Variants in UXS1 observed in about 807,000 individuals in gnomAD.
UXS1 encodes UDP-glucuronate decarboxylase 1, also known as UDP-glucuronic acid decarboxylase 1.
In UXS1, 33 loss-of-function variants were observed where a neutral mutation model predicts 62.6. That is an observed-to-expected ratio of 0.53 (90% CI 0.40 to 0.70). The LOEUF (loss-of-function observed/expected upper bound fraction) is 0.70. UXS1 is among the 30% of genes least tolerant of loss of function. The probability of loss-of-function intolerance (pLI) is 0.00; values close to 1 mark genes in which losing one functional copy is unlikely to be tolerated. For missense variants in UXS1, 434 were observed against 556.3 expected, an observed-to-expected ratio of 0.78 and a Z score of 2.21; for synonymous variants, 213 against 206.8, an observed-to-expected ratio of 1.03 and a Z score of -0.26.
chr2:106,170,073 T>A (rs1039176160), intron 1 of UXS1, among the ~76,000 whole-genome samples: 1 of 152,162 alleles, frequency 6.6e-6, no homozygotes, highest in Admixed American at 6.5e-5. Context: ...ACCTCCTGAT[T>A]CATGCTGCAA....
intron 5 of UXS1, among the ~76,000 whole-genome samples, chr2:106,149,315 T>C (rs1681828478): frequency 6.6e-6 from 1 of 152,228 alleles, no homozygotes. Context: ...TTTTGCAGCA[T>C]TCCTGTAACA....
At chr2:106,106,558 G>C (rs1256804168) in intron 10 of UXS1, among the ~76,000 whole-genome samples, 1 of 152,184 alleles carries the variant, frequency 6.6e-6, no homozygotes. Flanking sequence ...TGGGGATACT[G>C]AGGAATGGGG....
At position 106,125,642 on chromosome 2, in the gene UXS1, G is replaced by A. The variant is rs1191412617; in HGVS notation, c.615C>T (p.Ala205=). Residue 205 remains alanine, a synonymous_variant, in exon 8 of 15, where the codon GCC becomes GCT. Coordinates refer to ENST00000283148, the MANE Select transcript of UXS1 (RefSeq NM_001253875.2). Reference sequence around the variant, plus strand: ...CACCTCCATACACCTCCGATGTGGAGGCCAGGAGCAGACGGGCACCGACTC... The same window carrying A: ...CACCTCCATACACCTCCGATGTGGAAGCCAGGAGCAGACGGGCACCGACTC... The part of the protein sequence containing the change: ...AKRVGARLLL[A]STSEVYGDPE... 6.3e-7 allele frequency: 1 copy of A among 1,580,016 alleles called. No individual in the cohort carries two copies. Among genetic ancestry groups the A allele is most frequent in the Admixed American group, 1.8e-5 (1 of 55,326 alleles).
At chr2:106,144,549 A>G (rs1681399689) in intron 6 of UXS1, among the ~76,000 whole-genome samples, 1 of 152,238 alleles carries the variant, frequency 6.6e-6, no homozygotes, top group Admixed American at 6.5e-5. Flanking sequence ...TTTAAAATGG[A>G]CTAACAAAAC....
intron 6 of UXS1, among the ~76,000 whole-genome samples, chr2:106,140,525 C>T (rs558114592): frequency 4.6e-5 from 7 of 152,072 alleles, no homozygotes; most frequent in Non-Finnish European, 1.0e-4. Flanking sequence ...GGGTGGGTGC[C>T]CAGGGTTGAT....
At chr2:106,188,335 G>A (rs1684710776) in intron 1 of UXS1, among the ~76,000 whole-genome samples, 1 of 152,160 alleles carries the variant, frequency 6.6e-6, no homozygotes, top group Non-Finnish European at 1.5e-5. Flanking sequence ...CACGGACGTG[G>A]GCGGGCAGTG....
chr2:106,103,680 T>A (rs184428430), intron 11 of UXS1, among the ~76,000 whole-genome samples: 1 of 152,326 alleles, frequency 6.6e-6, no homozygotes, highest in African/African-American at 2.4e-5. Flanking sequence ...TTGGTTATAG[T>A]ACACTTCTGG....
chr2:106,114,117 G>A (rs757183550), intron 9 of UXS1, among the ~76,000 whole-genome samples: 14 of 152,210 alleles, frequency 9.2e-5, no homozygotes, highest in Non-Finnish European at 1.6e-4. Context: ...AGTGGCTGGA[G>A]TGACACGGCC....
At chr2:106,165,546 A>G (rs1683160584) in intron 2 of UXS1, among the ~76,000 whole-genome samples, 1 of 152,008 alleles carries the variant, frequency 6.6e-6, no homozygotes, top group African/African-American at 2.4e-5. Context: ...TGGTAAAGAG[A>G]TAACACGAGT....
chr2:106,175,372 A>C (rs1683815928), intron 1 of UXS1, among the ~76,000 whole-genome samples: 1 of 152,240 alleles, frequency 6.6e-6, no homozygotes, highest in Non-Finnish European at 1.5e-5. Context: ...TTCTCTGCCA[A>C]GTGCTTGCAG....
chr2:106,177,615 A>G (rs1683974123), intron 1 of UXS1, among the ~76,000 whole-genome samples: 1 of 152,242 alleles, frequency 6.6e-6, no homozygotes, highest in South Asian at 2.1e-4. Flanking sequence ...TCACAAGAAG[A>G]AACTTTTGAA....
Position 106,104,964 on chromosome 2 carries a change from A to G in UXS1, c.880-127T>C, listed in dbSNP as rs1282114657. 7.3e-6 allele frequency: 8 copies of G among 1,089,046 alleles called. No individual in the cohort carries two copies. In the South Asian group the frequency reaches 1.0e-4, roughly 14 times the overall value. 67.5% of individuals were successfully genotyped at this position (1,089,046 alleles called of 1,614,324 possible). ...CCAGGGGGCAGTGATGCTGACTCAA[A>G]GCATCTAGCACCACATCCCGCACTC... On this transcript the variant is annotated intron_variant, in intron 10 of 14. Transcript: ENST00000283148.
intron 4 of UXS1, among the ~76,000 whole-genome samples, chr2:106,161,776 G>A (rs750697665): frequency 6.6e-6 from 1 of 152,130 alleles, no homozygotes; most frequent in Non-Finnish European, 1.5e-5. Context: ...TATAATCAAA[G>A]TATTAAGCAA....
In UXS1 at chr2:106,194,257, G is replaced by T; in HGVS notation, c.-16C>A. ...TGCTCACCATCCCCGGGAGCCGCGCGGGTCCAGGGCCCTACCGCGCGGGGG... is the reference window on the plus strand; with the variant it reads ...TGCTCACCATCCCCGGGAGCCGCGCTGGTCCAGGGCCCTACCGCGCGGGGG... On this transcript the variant is annotated 5_prime_UTR_variant, in exon 1 of 15. Transcript: ENST00000283148. The T allele has an allele frequency of 7.1e-7, 1 of 1,417,618 alleles. No homozygotes were observed. The highest frequency in any genetic ancestry group is 9.3e-7 in the Non-Finnish European group (1 of 1,077,710). 87.8% of individuals were successfully genotyped at this position (1,417,618 alleles called of 1,614,324 possible).
chr2:106,103,325 T>C (rs963141107), intron 11 of UXS1, among the ~76,000 whole-genome samples: 6 of 152,182 alleles, frequency 3.9e-5, no homozygotes, highest in African/African-American at 1.4e-4. Context: ...CAACATCTCA[T>C]TGATATTCCA....
intron 4 of UXS1, among the ~76,000 whole-genome samples, chr2:106,161,851 C>T (rs1682917834): frequency 6.6e-6 from 1 of 152,198 alleles, no homozygotes; most frequent in Non-Finnish European, 1.5e-5. Flanking sequence ...TAGAATGACA[C>T]TGTCTTCTTT....
chr2:106,112,858 G>A, intron 9 of UXS1, 93 bp from the exon 10 acceptor site: 2 of 1,487,852 alleles, frequency 1.3e-6, no homozygotes, highest in Non-Finnish European at 1.8e-6. Context: ...AATGCAGAAT[G>A]GAAACGTTCT....
intron 6 of UXS1, chr2:106,138,390 TTTCCC>T (rs1381916676): frequency 3.5e-5 from 34 of 985,462 alleles, no homozygotes; most frequent in Admixed American, 1.8e-4. Context: ...GATGCAGGCC[TTTCCC>T]TTCCTGATGC....
chr2:106,111,939 T>TG (rs1314237748), intron 10 of UXS1, among the ~76,000 whole-genome samples: 2 of 151,496 alleles, frequency 1.3e-5, no homozygotes, highest in Non-Finnish European at 2.9e-5. Flanking sequence ...ACCGGGGAGC[T>TG]GGGGGTGGGA....
Sources: gnomAD v4.1 joint callset for allele counts (sites outside exome capture counted in the v4.1 genomes callset) on GRCh38, gnomAD v4.1.1 for gene constraint, MANE v1.5 for transcripts, NCBI Gene and HGNC (gene_info 2026-07-23, HGNC 2026-07-21) for gene names.